The following KRT86 variants were observed in gnomAD, a reference collection of about 807,000 sequenced individuals.
The protein encoded by KRT86 is keratin 86.
A neutral mutation model predicts 41.2 loss-of-function variants in KRT86; 30 were observed. The observed-to-expected ratio is 0.73, with a 90% confidence interval of 0.54 to 0.99. KRT86 has a LOEUF of 0.99. KRT86 is among the 50% of genes least tolerant of loss of function. The probability of loss-of-function intolerance (pLI) is 0.00; values close to 1 mark genes in which losing one functional copy is unlikely to be tolerated. For synonymous variants in KRT86, 238 were observed against 238.1 expected (o/e 1.00, Z 0.00); for missense variants, 561 against 571.4 (o/e 0.98, Z 0.19).
chr12:52,302,401 A>G, intron 3 of KRT86, 116 bp downstream of exon 3: 1 of 406,144 alleles, frequency 2.5e-6, no homozygotes, highest in Admixed American at 5.6e-5. Context: ...TCCCAGTCTG[A>G]TGGGCGAGGC....
rs201504587 is a variant in KRT86, at chr12:52,287,672, C to T, written c.-5+11726C>T. ...CAGCTCATTGATCTCCTCCTTGGTGCGGCGCAGGGTCTCCCCGTGCCTGAT... is the reference window on the plus strand; with the variant it reads ...CAGCTCATTGATCTCCTCCTTGGTGTGGCGCAGGGTCTCCCCGTGCCTGAT... On this transcript the variant is annotated intron_variant, in intron 2 of 10. Transcript: ENST00000423955. 85 of 1,613,902 alleles carry T rather than the reference C, an allele frequency of 5.3e-5. No homozygotes were observed. Among genetic ancestry groups the T allele is most frequent in the African/African-American group, 1.5e-4 (11 of 75,018 alleles).
At chr12:52,277,370 G>A (rs1444120475) in intron 2 of KRT86, among the ~76,000 whole-genome samples, 1 of 152,122 alleles carries the variant, frequency 6.6e-6, no homozygotes, top group Non-Finnish European at 1.5e-5. Context: ...TGGAACAGGT[G>A]TGCTCACTCC....
rs141587304 is a variant in KRT86, at chr12:52,288,057, G to T, written c.-5+12111G>T. ...GTCGTCATACTGTGCCTTAATCTCG[G>T]CAATGATGCAGTCCATGTTCAGGTC... is the stretch of plus-strand genomic sequence containing the variant. On this transcript the variant is annotated intron_variant, in intron 2 of 10. Transcript: ENST00000423955. The T allele has an allele frequency of 6.1e-5, 99 of 1,614,178 alleles. No individual in the cohort carries two copies. The African/African-American group carries it at 1.2e-3, about 20-fold the overall frequency.
intron 2 of KRT86, among the ~76,000 whole-genome samples, chr12:52,285,462 T>TG (rs771576854): frequency 4.7e-4 from 72 of 152,354 alleles, no homozygotes; most frequent in Non-Finnish European, 8.1e-4. Flanking sequence ...TACTCAGGCA[T>TG]GAGTCTTCCC....
intron 9 of KRT86, chr12:52,307,121 C>T (rs1213904497): frequency 6.6e-6 from 1 of 152,190 alleles, no homozygotes; most frequent in Non-Finnish European, 1.5e-5. Context: ...GAGGGAGCAT[C>T]TTGTTTATTT....
At chr12:52,279,087 G>GCCGGGCCCCGCC (rs149005533) in intron 2 of KRT86, 40,787 of 151,938 alleles carry the variant, frequency 0.27, 6,089 homozygotes, top group East Asian at 0.43. Flanking sequence ...CCTCCGTTCA[G>GCCGGGCCCCGCC]CCGGGCTCCG....
At chr12:52,293,193 A>G (rs1300608279) in intron 2 of KRT86, among the ~76,000 whole-genome samples, 1 of 152,204 alleles carries the variant, frequency 6.6e-6, no homozygotes, top group African/African-American at 2.4e-5. Flanking sequence ...GTTTGATAAG[A>G]ATATGTTTCT....
intron 2 of KRT86, among the ~76,000 whole-genome samples, chr12:52,277,385 A>C (rs936537196): frequency 5.3e-5 from 8 of 152,160 alleles, no homozygotes; most frequent in Non-Finnish European, 1.0e-4. Context: ...CACTCCTTGC[A>C]ACCATGGACA....
intron 9 of KRT86, among the ~76,000 whole-genome samples, chr12:52,307,965 G>T (rs915705578): frequency 6.6e-6 from 1 of 152,248 alleles, no homozygotes; most frequent in Non-Finnish European, 1.5e-5. Flanking sequence ...TACGAAGTAG[G>T]TTTTCCTGAT....
chr12:52,307,501 G>C (rs1334296345), intron 9 of KRT86, among the ~76,000 whole-genome samples: 1 of 152,226 alleles, frequency 6.6e-6, no homozygotes, highest in Non-Finnish European at 1.5e-5. Context: ...TGTGCTTTCA[G>C]GGGAACTCCA....
At position 52,286,419 on chromosome 12, in the gene KRT86, C is replaced by G; in HGVS notation, c.-5+10473C>G. The stretch of plus-strand genomic sequence containing the variant: ...TTCCCGTTGCACGGAGCGCTGCAGA[C>G]ACTGCCAGTCACTGGCCGGGAGCCT... On this transcript the variant is annotated intron_variant, in intron 2 of 10. Transcript: ENST00000423955. The G allele has an allele frequency of 1.3e-6, 2 of 1,553,432 alleles. No homozygotes were observed. The highest frequency in any genetic ancestry group is 1.7e-6 in the Non-Finnish European group (2 of 1,148,204).
At chr12:52,287,640 T>G (rs772284845) in intron 2 of KRT86, 1 of 1,613,950 alleles carries the variant, frequency 6.2e-7, no homozygotes, top group East Asian at 2.2e-5. Context: ...CTTTGGATCA[T>G]GCGGTTCAGC....
intron 2 of KRT86, among the ~76,000 whole-genome samples, chr12:52,284,067 G>A (rs1321386994): frequency 1.3e-5 from 2 of 152,312 alleles, no homozygotes; most frequent in Non-Finnish European, 2.9e-5. Context: ...GGCTGAAGTT[G>A]GAATAGGTGA....
chr12:52,287,009 C>T, intron 2 of KRT86: 1 of 1,606,462 alleles, frequency 6.2e-7, no homozygotes, highest in South Asian at 1.1e-5. Flanking sequence ...TTTTTTTCCC[C>T]CAGAGCCCTG....
At chr12:52,276,453 A>G (rs1228476344) in intron 2 of KRT86, among the ~76,000 whole-genome samples, 2 of 152,080 alleles carry the variant, frequency 1.3e-5, no homozygotes, top group Non-Finnish European at 2.9e-5. Flanking sequence ...CGCAGTCCCC[A>G]CCACTCCCAA....
chr12:52,284,755 T>C (rs1306554625), intron 2 of KRT86, among the ~76,000 whole-genome samples: 1 of 152,228 alleles, frequency 6.6e-6, no homozygotes. Flanking sequence ...TTCTGGGCCT[T>C]GGACTGGAAG....
chr12:52,301,787 G>A, intron 2 of KRT86, 126 bp from the exon 3 acceptor site: 4 of 1,595,460 alleles, frequency 2.5e-6, no homozygotes, highest in Non-Finnish European at 3.4e-6. Flanking sequence ...CGACCCACGT[G>A]GTCACAGTCT....
intron 2 of KRT86, 129 bp from the exon 3 acceptor site, chr12:52,301,784 C>T (rs1021013295): frequency 5.0e-6 from 8 of 1,590,424 alleles, no homozygotes; most frequent in African/African-American, 2.7e-5. Context: ...CTCCGACCCA[C>T]GTGGTCACAG....
chr12:52,275,603 C>T (rs1482547879), intron 1 of KRT86, among the ~76,000 whole-genome samples: 1 of 152,226 alleles, frequency 6.6e-6, no homozygotes, highest in Non-Finnish European at 1.5e-5. Flanking sequence ...TGAGTTCAGG[C>T]TTCCTTTGGC....
Sources: allele counts gnomAD v4.1 joint callset (sites outside exome capture counted in the v4.1 genomes callset), GRCh38; gene constraint gnomAD v4.1.1; transcripts MANE v1.5; gene names NCBI Gene and HGNC (gene_info 2026-07-23, HGNC 2026-07-21).